BRSK2: variants seen among roughly 807,000 people sequenced by gnomAD.
BRSK2 encodes BR serine/threonine kinase 2.
Under a neutral mutation model 83.3 loss-of-function variants are expected in BRSK2, and 19 were observed. The observed-to-expected ratio is 0.23, with a 90% CI of 0.16 to 0.33. The LOEUF is 0.33. Ranked by LOEUF, BRSK2 falls within the 10% of genes least tolerant of loss-of-function variation. The probability of loss-of-function intolerance (pLI) is 1.00; values close to 1 mark genes in which losing one functional copy is unlikely to be tolerated. For synonymous variants in BRSK2, 519 were observed against 435.4 expected (o/e 1.19, Z -2.39); for missense variants, 798 against 1,042.3 (o/e 0.77, Z 3.23).
intron 12 of BRSK2, chr11:1,447,968 A>C (rs903212219): frequency 7.8e-5 from 90 of 1,159,278 alleles, no homozygotes; most frequent in Non-Finnish European, 7.4e-6. Context: ...GCTGGGCTGC[A>C]GGGCTCCTGC....
chr11:1,390,891 G>C lies in BRSK2; in HGVS notation c.91+516G>C, dbSNP rs917225512. ...CGCGGTGGGGGCGGGAGAGTGCGGG[G>C]ACCTGCAGAGGGCTGGACAGCGCCT... On this transcript the variant is annotated intron_variant, in intron 1 of 19. Coordinates refer to ENST00000528841, the MANE Select transcript of BRSK2 (RefSeq NM_001256627.2). This position sits in a 1 kb window ranked among gnomAD's most constrained non-coding sequence, Gnocchi z 6.8. Among the ~76,000 whole-genome samples, 1 of 152,210 alleles carries C rather than the reference G, an allele frequency of 6.6e-6. No homozygotes were observed. Among genetic ancestry groups the C allele is most frequent in the Admixed American group, 6.5e-5 (1 of 15,292 alleles).
chr11:1,415,094 C>CTTT lies in BRSK2; in HGVS notation c.92-20930_92-20928dup, dbSNP rs34102200. ...CTCAGAGTGGTAATTCTGTCTTTAC[C>CTTT]TTTTTTTTTTTTTTTTTTGAGATGG... On this transcript the variant is annotated intron_variant, in intron 1 of 19. Transcript: ENST00000528841. 1.9e-3 allele frequency among the ~76,000 whole-genome samples: 244 copies of CTTT among 128,622 alleles called. 3 individuals are homozygous for CTTT. Among genetic ancestry groups the CTTT allele is most frequent in the Middle Eastern group, 4.3e-3 (1 of 232 alleles). The allele number at this position is 128,622 out of a possible 152,430, so 84.4% of individuals were successfully genotyped here.
intron 15 of BRSK2, among the ~76,000 whole-genome samples, chr11:1,452,108 G>A (rs1239437625): frequency 6.6e-6 from 1 of 152,220 alleles, no homozygotes; most frequent in Non-Finnish European, 1.5e-5. Context: ...GAGAGCGGCG[G>A]TCAGGCTGGA....
At chr11:1,400,781 G>A (rs190073678) in intron 1 of BRSK2, among the ~76,000 whole-genome samples, 155 of 152,350 alleles carry the variant, frequency 1.0e-3, no homozygotes, top group Non-Finnish European at 1.7e-3. Context: ...CACCCACCCC[G>A]GACACTGTGG....
At chr11:1,400,550 G>A (rs974877770) in intron 1 of BRSK2, among the ~76,000 whole-genome samples, 12 of 152,160 alleles carry the variant, frequency 7.9e-5, no homozygotes, top group Admixed American at 4.6e-4. Flanking sequence ...CCTGGGCACC[G>A]AACACTGCCA....
At chr11:1,399,458 T>C (rs947229264) in intron 1 of BRSK2, among the ~76,000 whole-genome samples, 3 of 152,146 alleles carry the variant, frequency 2.0e-5, no homozygotes, top group African/African-American at 7.2e-5. Context: ...GTCACTGTGT[T>C]GCCTTCCCCC....
At chr11:1,452,456 A>C (rs1483481398) in intron 15 of BRSK2, among the ~76,000 whole-genome samples, 1 of 152,222 alleles carries the variant, frequency 6.6e-6, no homozygotes, top group East Asian at 1.9e-4. Context: ...ACAGACTCAT[A>C]ATTATCTTCC....
intron 1 of BRSK2, among the ~76,000 whole-genome samples, chr11:1,398,326 C>T (rs867386089): frequency 2.6e-5 from 4 of 152,186 alleles, no homozygotes; most frequent in South Asian, 4.1e-4. Flanking sequence ...TGGGGCTGGC[C>T]TGGGCCCCTG....
chr11:1,453,731 G>GCC (rs5789214), intron 15 of BRSK2: 85,841 of 152,050 alleles, frequency 0.56, 24,745 homozygotes, highest in Non-Finnish European at 0.61. Flanking sequence ...GCACCACTGA[G>GCC]CCCCAGCCCT....
At position 1,462,390 on chromosome 11, in the gene BRSK2, G is replaced by C. The variant is rs1051516145; in HGVS notation, c.*1667G>C. On this transcript the variant is annotated 3_prime_UTR_variant, in exon 20 of 20. Coordinates refer to ENST00000528841, the MANE Select transcript of BRSK2 (RefSeq NM_001256627.2). Reference sequence around the variant, plus strand: ...CCTGCCCCTGCCTCCCACCCACCTCGTGTATAGATTTTAACGCTTCTGTTA... The same window carrying C: ...CCTGCCCCTGCCTCCCACCCACCTCCTGTATAGATTTTAACGCTTCTGTTA... 5.9e-5 allele frequency: 9 copies of C among 152,250 alleles called. No individual in the cohort carries two copies. The highest frequency in any genetic ancestry group is 1.3e-4 in the Non-Finnish European group (9 of 68,058). 9.4% of individuals were successfully genotyped at this position (152,250 alleles called of 1,614,324 possible). A position where few individuals can be genotyped will look rare whatever the true frequency, so the allele number is the denominator to read the frequency against.
intron 19 of BRSK2, chr11:1,459,522 GGGTCCCGCT>G (rs992809872): frequency 7.8e-5 from 38 of 486,924 alleles, no homozygotes; most frequent in African/African-American, 6.2e-4. Context: ...AAGCCAGTGA[GGGTCCCGCT>G]GGTCCCACTG....
chr11:1,453,407 T>C (rs75984940), intron 15 of BRSK2, among the ~76,000 whole-genome samples: 3,951 of 152,322 alleles, frequency 0.026, 62 homozygotes, highest in Non-Finnish European at 0.034. Flanking sequence ...ATCGACCATG[T>C]AGAAACTCAC....
In BRSK2 at chr11:1,398,857, T is replaced by C. The variant is rs955597523; in HGVS notation, c.91+8482T>C. ...CAGGTCCTTGGTAGGCGCCAGGAGA[T>C]GTGTGGGGCCCCCTGGAGCCTGGAG... On this transcript the variant is annotated intron_variant, in intron 1 of 19. Transcript: ENST00000528841. 2.0e-5 allele frequency among the ~76,000 whole-genome samples: 3 copies of C among 152,242 alleles called. No individual in the cohort carries two copies. The East Asian group carries it at 5.8e-4, about 29-fold the overall frequency.
At position 1,394,683 on chromosome 11, in the gene BRSK2, T is replaced by TCCTGGAGATGGGCC. The variant is rs1554884880; in HGVS notation, c.91+4320_91+4321insCCCCTGGAGATGGG. On this transcript the variant is annotated intron_variant, in intron 1 of 19. Coordinates refer to ENST00000528841, the MANE Select transcript of BRSK2 (RefSeq NM_001256627.2). The stretch of plus-strand genomic sequence containing the variant: ...CTGGAGATGGGCCCCTGGAGATGGG[T>TCCTGGAGATGGGCC]CCTGGAGATGGGTCCTGGAGATGGG... Among the ~76,000 whole-genome samples the TCCTGGAGATGGGCC allele has an allele frequency of 1.8e-4, 15 of 85,662 alleles. 1 individual carries two copies. Among genetic ancestry groups the TCCTGGAGATGGGCC allele is most frequent in the African/African-American group, 6.3e-4 (13 of 20,544 alleles). The allele number at this position is 85,662 out of a possible 152,430, so 56.2% of individuals were successfully genotyped here. A position where few individuals can be genotyped will look rare whatever the true frequency, so the allele number is the denominator to read the frequency against.
At chr11:1,407,641 A>G (rs1166906980) in intron 1 of BRSK2, among the ~76,000 whole-genome samples, 1 of 152,220 alleles carries the variant, frequency 6.6e-6, no homozygotes, top group Non-Finnish European at 1.5e-5. Flanking sequence ...CCCCTAAACT[A>G]GGACACTAGC....
chr11:1,414,296 A>T (rs1028247775), intron 1 of BRSK2, among the ~76,000 whole-genome samples: 1 of 152,332 alleles, frequency 6.6e-6, no homozygotes, highest in African/African-American at 2.4e-5. Flanking sequence ...CCGCCTGGAA[A>T]GGTGTCTCCA....
At chr11:1,460,444 CT>C (rs945560155) in intron 19 of BRSK2, 55 bp from the exon 20 acceptor site, 138 of 1,138,798 alleles carry the variant, frequency 1.2e-4, no homozygotes, top group African/African-American at 2.0e-4. Context: ...TTCTCTCCCC[CT>C]TTTTTTTCTT....
intron 1 of BRSK2, among the ~76,000 whole-genome samples, chr11:1,415,935 T>C (rs1432339782): frequency 6.6e-6 from 1 of 152,240 alleles, no homozygotes; most frequent in Non-Finnish European, 1.5e-5. Flanking sequence ...TGGCAGTTCT[T>C]TTCTGTGATG....
intron 1 of BRSK2, chr11:1,411,033 C>T (rs1271776448): frequency 9.6e-7 from 1 of 1,044,646 alleles, no homozygotes; most frequent in Non-Finnish European, 1.2e-6. Flanking sequence ...CTTTTCTGCT[C>T]CCATCACCAT....
Sources: gnomAD v4.1 joint callset for allele counts (sites outside exome capture counted in the v4.1 genomes callset) on GRCh38, gnomAD v4.1.1 for gene constraint, Gnocchi (gnomAD v3.1) non-coding constraint, MANE v1.5 for transcripts, NCBI Gene and HGNC (gene_info 2026-07-23, HGNC 2026-07-21) for gene names.